DNAH6: variants seen among roughly 807,000 people sequenced by gnomAD.
DNAH6 encodes the protein axonemal beta dynein heavy chain 6.
DNAH6 carries 340 observed loss-of-function variants against 491.4 expected under a neutral mutation model. The ratio of observed to expected loss-of-function variants is 0.69; its 90% CI spans 0.63 to 0.76. The LOEUF is 0.76. Ranked by LOEUF, DNAH6 falls within the 30% of genes least tolerant of loss-of-function variation. DNAH6 has a pLI of 0.00. For missense variants in DNAH6, 4,443 were observed against 4,972.2 expected (o/e 0.89, Z 3.20); for synonymous variants, 1,603 against 1,686.1 (o/e 0.95, Z 1.21).
intron 4 of DNAH6, among the ~76,000 whole-genome samples, chr2:84,533,653 A>C (rs954826887): frequency 6.6e-6 from 1 of 152,160 alleles, no homozygotes. Context: ...TCATATTTAA[A>C]CTCAAAAACC....
intron 57 of DNAH6, among the ~76,000 whole-genome samples, chr2:84,714,108 T>C (rs1728059): frequency 0.33 from 50,632 of 152,112 alleles, 10,195 homozygotes; most frequent in African/African-American, 0.58. Flanking sequence ...GCTCCAGGCA[T>C]GTCTGTGCAC....
chr2:84,672,893 T>C (rs142493712), intron 40 of DNAH6, among the ~76,000 whole-genome samples: 88 of 152,348 alleles, frequency 5.8e-4, no homozygotes, highest in African/African-American at 1.9e-3. Context: ...CACAATTCAG[T>C]CCATAACATG....
At chr2:84,506,181 T>G in the DNAH6 span, among the ~76,000 whole-genome samples, 1 of 152,206 alleles carries the variant, frequency 6.6e-6, no homozygotes, top group Non-Finnish European at 1.5e-5. Context: ...ACCAACAGTG[T>G]AAAAGTGTTC....
intron 11 of DNAH6, among the ~76,000 whole-genome samples, chr2:84,558,389 A>G (rs1043719570): frequency 6.7e-6 from 1 of 149,960 alleles, no homozygotes; most frequent in African/African-American, 2.5e-5. Flanking sequence ...GCGCCACTGC[A>G]CTCCAGCCTA....
chr2:84,612,048 CT>C (rs942965147), intron 22 of DNAH6, among the ~76,000 whole-genome samples, 194 bp downstream of exon 22: 4 of 151,942 alleles, frequency 2.6e-5, no homozygotes, highest in Admixed American at 2.0e-4. Context: ...GAACACTGGA[CT>C]TTTTTTTATT....
intron 4 of DNAH6, among the ~76,000 whole-genome samples, chr2:84,540,826 A>G (rs1416679061): frequency 6.6e-6 from 1 of 152,162 alleles, no homozygotes; most frequent in Non-Finnish European, 1.5e-5. Flanking sequence ...GAACAGCAAG[A>G]AAGCACTACA....
chr2:84,671,561 G>A (rs896172543), intron 39 of DNAH6, among the ~76,000 whole-genome samples: 1 of 152,172 alleles, frequency 6.6e-6, no homozygotes, highest in African/African-American at 2.4e-5. Context: ...TGCTTAGGTA[G>A]GCAAAGGGCA....
At chr2:84,551,096 C>T (rs965798672) in intron 9 of DNAH6, among the ~76,000 whole-genome samples, 1 of 152,162 alleles carries the variant, frequency 6.6e-6, no homozygotes, top group Non-Finnish European at 1.5e-5. Context: ...CATCAAACCT[C>T]CCACCCTCAC....
chr2:84,792,543 A>C (rs1677864860), intron 68 of DNAH6, among the ~76,000 whole-genome samples: 1 of 152,122 alleles, frequency 6.6e-6, no homozygotes, highest in Non-Finnish European at 1.5e-5. Context: ...TACCAATTAT[A>C]CCTCAATAAA....
intron 63 of DNAH6, among the ~76,000 whole-genome samples, chr2:84,761,743 G>A (rs113870914): frequency 6.6e-6 from 1 of 151,396 alleles, no homozygotes; most frequent in African/African-American, 2.4e-5. Flanking sequence ...CCTAGACCAG[G>A]TTGGGACACC....
At chr2:84,803,507 CA>C (rs932125542) in intron 70 of DNAH6, among the ~76,000 whole-genome samples, 1 of 151,476 alleles carries the variant, frequency 6.6e-6, no homozygotes, top group African/African-American at 2.4e-5. Context: ...AAACAAAAAA[CA>C]GAAAATTTAG....
chr2:84,736,014 C>G (rs908021069), intron 62 of DNAH6, among the ~76,000 whole-genome samples: 1 of 151,534 alleles, frequency 6.6e-6, no homozygotes, highest in Admixed American at 6.6e-5. Context: ...TTTTCTTCAA[C>G]CTTGAGTTAA....
rs868818078 is a variant in DNAH6 at position 84,529,169 on chromosome 2, G to A, written c.662+3G>A. ...GAATATGATACATATAATCTAAAGT[G>A]AGTTATTTTTTATGATGCAATTTAA... On this transcript the variant is annotated splice_donor_region_variant and intron_variant, in intron 4 of 76. Transcript: ENST00000389394. 2.6e-6 allele frequency: 4 copies of A among 1,522,124 alleles called. No individual in the cohort carries two copies. The highest frequency in any genetic ancestry group is 3.4e-4 in the Middle Eastern group (2 of 5,866). The allele number at this position is 1,522,124 out of a possible 1,614,324, so 94.3% of individuals were successfully genotyped here. A position where few individuals can be genotyped will look rare whatever the true frequency, so the allele number is the denominator to read the frequency against.
the DNAH6 span, among the ~76,000 whole-genome samples, chr2:84,467,985 A>C: frequency 6.6e-6 from 1 of 152,340 alleles, no homozygotes; most frequent in Non-Finnish European, 1.5e-5. Context: ...ATTTTTAATA[A>C]ATTGAACACT....
the DNAH6 span, among the ~76,000 whole-genome samples, chr2:84,460,482 TTA>T: frequency 1.3e-5 from 2 of 152,362 alleles, no homozygotes; most frequent in East Asian, 3.9e-4. Flanking sequence ...GCTTGATAAG[TTA>T]TATGTTTAGT....
chr2:84,545,995 T>C (rs1678746221), intron 5 of DNAH6, among the ~76,000 whole-genome samples: 1 of 152,154 alleles, frequency 6.6e-6, no homozygotes, highest in African/African-American at 2.4e-5. Context: ...TGATCCACCA[T>C]TACCACAGTC....
intron 10 of DNAH6, among the ~76,000 whole-genome samples, chr2:84,553,676 G>T (rs572280586): frequency 2.8e-5 from 4 of 142,004 alleles, no homozygotes; most frequent in African/African-American, 1.1e-4. Flanking sequence ...TGCCATGGTG[G>T]CCAGGCAGGT....
In DNAH6 at chr2:84,658,350, G is replaced by C; in HGVS notation, c.5816G>C (p.Gly1939Ala). The C allele has an allele frequency of 6.5e-7, 1 of 1,547,724 alleles. No homozygotes were observed. The highest frequency in any genetic ancestry group is 8.7e-7 in the Non-Finnish European group (1 of 1,145,016). Reference sequence around the variant, plus strand: ...CTTTTCCAACGTTATGTTGATGAAGGTTTACATTTTATCAATAAAAAGTGC... The same window carrying C: ...CTTTTCCAACGTTATGTTGATGAAGCTTTACATTTTATCAATAAAAAGTGC... ...LNLFQRYVDE[G>A]LHFINKKCSQ... is the part of the protein sequence containing the mutation. Residue 1939 changes from glycine (G) to alanine (A), a missense_variant, in exon 36 of 77, where the codon GGT becomes GCT. This residue lies in a region of DNAH6 where 2,977 missense variants were observed against 3,296.6 expected (regional missense o/e 0.90). Coordinates refer to ENST00000389394, the MANE Select transcript of DNAH6 (RefSeq NM_001370.2).
At chr2:84,729,593 A>G (rs1444798603) in intron 61 of DNAH6, among the ~76,000 whole-genome samples, 1 of 152,216 alleles carries the variant, frequency 6.6e-6, no homozygotes, top group East Asian at 1.9e-4. Flanking sequence ...GCCCATGTCC[A>G]TTCCAGCACC....
Sources: allele counts gnomAD v4.1 joint callset (sites outside exome capture counted in the v4.1 genomes callset), GRCh38; gene constraint gnomAD v4.1.1; regional missense constraint gnomAD v4.1.1; transcripts MANE v1.5; gene names NCBI Gene and HGNC (gene_info 2026-07-23, HGNC 2026-07-21).